Variants in ROR2 observed in about 807,000 individuals in gnomAD.
ROR2 encodes ROR family WNT receptor 2.
In ROR2, 33 loss-of-function variants were observed where a neutral mutation model predicts 74.9. The observed-to-expected ratio is 0.44, with a 90% CI of 0.33 to 0.59. The LOEUF (loss-of-function observed/expected upper bound fraction) is 0.59, where lower values mean the gene tolerates loss of function less well. Ranked by LOEUF, ROR2 falls within the 20% of genes least tolerant of loss-of-function variation. The pLI, the probability that ROR2 is intolerant of heterozygous loss-of-function variation, is 0.02. For missense variants in ROR2, 1,216 were observed against 1,313.8 expected (o/e 0.93, Z 1.15); for synonymous variants, 586 against 558.7 (o/e 1.05, Z -0.69).
At chr9:91,941,634 C>T (rs1259619744) in intron 1 of ROR2, among the ~76,000 whole-genome samples, 1 of 152,198 alleles carries the variant, frequency 6.6e-6, no homozygotes, top group East Asian at 1.9e-4. Flanking sequence ...GCATGTTTTT[C>T]CCTCCAGCAC....
At chr9:91,944,432 A>G (rs982745533) in intron 1 of ROR2, among the ~76,000 whole-genome samples, 13 of 152,216 alleles carry the variant, frequency 8.5e-5, no homozygotes, top group African/African-American at 2.9e-4. Context: ...AAGTAAAATT[A>G]TGCCTATTTG....
chr9:91,772,268 C>A (rs1023060996), intron 2 of ROR2, among the ~76,000 whole-genome samples: 1 of 152,192 alleles, frequency 6.6e-6, no homozygotes, highest in East Asian at 1.9e-4. Flanking sequence ...AGATCCTGTC[C>A]CGCTAAGAGT....
At chr9:91,904,723 C>T (rs766757914) in intron 1 of ROR2, among the ~76,000 whole-genome samples, 7 of 152,212 alleles carry the variant, frequency 4.6e-5, no homozygotes, top group African/African-American at 1.7e-4. Flanking sequence ...CTGGCTCCTA[C>T]GCTCCACTGC....
At chr9:91,862,721 A>C (rs545731471) in intron 1 of ROR2, among the ~76,000 whole-genome samples, 2 of 152,322 alleles carry the variant, frequency 1.3e-5, no homozygotes, top group East Asian at 3.9e-4. Context: ...CCACCATGTG[A>C]GGACACAGCA....
intron 1 of ROR2, among the ~76,000 whole-genome samples, chr9:91,800,782 G>A (rs1191786725): frequency 6.6e-6 from 1 of 152,216 alleles, no homozygotes; most frequent in Non-Finnish European, 1.5e-5. Context: ...AAAGTTCACA[G>A]CCACGCTTCC....
At chr9:91,758,602 C>T (rs115555729) in intron 2 of ROR2, among the ~76,000 whole-genome samples, 2,892 of 152,258 alleles carry the variant, frequency 0.019, 89 homozygotes, top group African/African-American at 0.067. Flanking sequence ...CTAGGGGGCA[C>T]ACAGGGTCTT....
chr9:91,779,987 G>A (rs370020514), intron 1 of ROR2, among the ~76,000 whole-genome samples: 7 of 152,212 alleles, frequency 4.6e-5, no homozygotes, highest in African/African-American at 1.7e-4. Flanking sequence ...GGTGTCTACA[G>A]AATGGCCAAA....
In ROR2 at chr9:91,810,117, G is replaced by A. The variant is rs566327715; in HGVS notation, c.98-34299C>T. 3.8e-3 allele frequency among the ~76,000 whole-genome samples: 577 copies of A among 152,360 alleles called. 4 individuals carry two copies. Among genetic ancestry groups the A allele is most frequent in the Middle Eastern group, 6.8e-3 (2 of 294 alleles). ...CAGGGCCTCCAGCCCCCATGTCGGC[G>A]GAGCCAGCACCAGCAACCCTGGGCT... On this transcript the variant is annotated intron_variant, in intron 1 of 8. Coordinates refer to ENST00000375708, the MANE Select transcript of ROR2 (RefSeq NM_004560.4).
intron 1 of ROR2, among the ~76,000 whole-genome samples, chr9:91,909,847 G>GTTTTTTTTTGT (rs1830918645): frequency 1.3e-4 from 7 of 53,596 alleles, no homozygotes; most frequent in Non-Finnish European, 1.9e-4. Context: ...GGTTTGTTTT[G>GTTTTTTTTTGT]TTTTTTTTTT....
intron 4 of ROR2, among the ~76,000 whole-genome samples, chr9:91,743,614 C>T (rs1564245637): frequency 6.6e-6 from 1 of 151,904 alleles, no homozygotes. Context: ...AAGGACATCA[C>T]AAGAGTATCT....
rs1830792417 is a variant in ROR2, at chr9:91,905,538, T to C, written c.97+44329A>G. Among the ~76,000 whole-genome samples, 1 of 150,874 alleles carries C rather than the reference T, an allele frequency of 6.6e-6. No homozygotes were observed. The highest frequency in any genetic ancestry group is 2.1e-4 in the South Asian group (1 of 4,738). On this transcript the variant is annotated intron_variant, in intron 1 of 8. Transcript: ENST00000375708. The surrounding 1 kb of genome is among the most constrained non-coding windows in gnomAD (Gnocchi z 5.3). ...ATCACACACTACACACAACCCAACA[T>C]ACACAGACACAATACAACACATACA...
At chr9:91,726,496 A>T in intron 8 of ROR2, 45 bp downstream of exon 8, 2 of 1,556,858 alleles carry the variant, frequency 1.3e-6, no homozygotes, top group South Asian at 2.2e-5. Context: ...CCTGAGGATT[A>T]AACCTGGAAG....
intron 1 of ROR2, among the ~76,000 whole-genome samples, chr9:91,913,954 G>A (rs1267291888): frequency 1.3e-5 from 2 of 152,048 alleles, no homozygotes; most frequent in African/African-American, 4.8e-5. Context: ...TGGCCCCTTG[G>A]TCAATTGCAT....
At position 91,728,024 on chromosome 9, in the gene ROR2, C is replaced by A. The variant is rs548579802; in HGVS notation, c.1184-1281G>T. On this transcript the variant is annotated intron_variant, in intron 7 of 8. Transcript: ENST00000375708. ...GAAATCTTCGGGGCACTGGGGATGC[C>A]GATTCATTCTTTTTTACTAGGGTTT... Among the ~76,000 whole-genome samples the A allele has an allele frequency of 4.6e-5, 7 of 152,150 alleles. No homozygotes were observed. The East Asian group carries it at 1.4e-3, about 29-fold the overall frequency.
intron 1 of ROR2, among the ~76,000 whole-genome samples, chr9:91,865,099 G>GTT (rs369605576): frequency 6.7e-6 from 1 of 149,222 alleles, no homozygotes; most frequent in Non-Finnish European, 1.5e-5. Context: ...AAGGCTAAAA[G>GTT]TTTTTTTTTT....
intron 2 of ROR2, among the ~76,000 whole-genome samples, chr9:91,767,813 C>T (rs1215009321): frequency 6.6e-6 from 1 of 152,214 alleles, no homozygotes; most frequent in African/African-American, 2.4e-5. Context: ...AAGAAAACCA[C>T]CTAAGAGTGT....
intron 1 of ROR2, among the ~76,000 whole-genome samples, chr9:91,874,819 C>T: frequency 6.6e-6 from 1 of 152,022 alleles, no homozygotes; most frequent in Non-Finnish European, 1.5e-5. Flanking sequence ...CCTGTAATCC[C>T]AGCTACTCGG....
intron 1 of ROR2, among the ~76,000 whole-genome samples, chr9:91,790,642 A>C (rs1826940871): frequency 6.6e-6 from 1 of 152,084 alleles, no homozygotes; most frequent in South Asian, 2.1e-4. Context: ...TTTACAGTGT[A>C]CTCCTACTTT....
At chr9:91,923,926 C>G (rs1056278978) in intron 1 of ROR2, 1 of 152,242 alleles carries the variant, frequency 6.6e-6, no homozygotes, top group African/African-American at 2.4e-5. Context: ...TCCTGTGTGG[C>G]TCCTGGAATG....
Sources: allele counts gnomAD v4.1 joint callset (sites outside exome capture counted in the v4.1 genomes callset), GRCh38; gene constraint gnomAD v4.1.1; non-coding constraint Gnocchi (gnomAD v3.1); transcripts MANE v1.5; gene names NCBI Gene and HGNC (gene_info 2026-07-23, HGNC 2026-07-21).